ERC2: variants seen among roughly 807,000 people sequenced by gnomAD.
ERC2 encodes the protein ERC protein 2.
A neutral mutation model predicts 114.8 loss-of-function variants in ERC2; 42 were observed. The ratio of observed to expected loss-of-function variants is 0.37; its 90% CI spans 0.29 to 0.47. The LOEUF (loss-of-function observed/expected upper bound fraction) is 0.47, where lower values mean the gene tolerates loss of function less well. ERC2 is among the 20% of genes least tolerant of loss of function. ERC2 has a pLI of 0.99. For synonymous variants in ERC2, 454 were observed against 425.5 expected (o/e 1.07, Z -0.82); for missense variants, 939 against 1,150.7 (o/e 0.82, Z 2.66).
chr3:56,129,219 C>T (rs2080062751), intron 6 of ERC2, among the ~76,000 whole-genome samples: 1 of 152,084 alleles, frequency 6.6e-6, no homozygotes, highest in African/African-American at 2.4e-5. Flanking sequence ...GTGAAAAATC[C>T]TTGCAGAAGC....
intron 14 of ERC2, among the ~76,000 whole-genome samples, chr3:55,737,283 T>C (rs2065693160): frequency 6.6e-6 from 1 of 152,126 alleles, no homozygotes; most frequent in Admixed American, 6.5e-5. Context: ...TCAGGAAATA[T>C]CTCCATTTTC....
In ERC2 at chr3:56,311,231, TTCTCTCTCTCTCTCTC is replaced by T. The variant is rs370683995; in HGVS notation, c.658-14812_658-14797del. On this transcript the variant is annotated intron_variant, in intron 2 of 17. Transcript: ENST00000288221. ...CAGTGTTCTTGGGATATCCATCATCTTCTCTCTCTCTCTCTCTCTCTCTCTATATATATATATATAT... is the reference window on the plus strand; with the variant it reads ...CAGTGTTCTTGGGATATCCATCATCTTCTCTCTCTATATATATATATATAT... Among the ~76,000 whole-genome samples, 284 of 96,156 alleles carry T rather than the reference TTCTCTCTCTCTCTCTC, an allele frequency of 3.0e-3. 1 individual carries two copies. The highest frequency in any genetic ancestry group is 7.9e-3 in the African/African-American group (158 of 20,082). The allele number at this position is 96,156 out of a possible 152,430, so 63.1% of individuals were successfully genotyped here.
intron 2 of ERC2, among the ~76,000 whole-genome samples, chr3:56,326,032 C>T (rs1345516754): frequency 6.6e-6 from 1 of 152,216 alleles, no homozygotes; most frequent in Non-Finnish European, 1.5e-5. Context: ...TGTCACGTGG[C>T]CCTACTCCTC....
chr3:55,942,301 TTTG>T (rs1196912284), intron 13 of ERC2, among the ~76,000 whole-genome samples: 1 of 120,780 alleles, frequency 8.3e-6, no homozygotes, highest in African/African-American at 3.4e-5. Context: ...TTTTTTTTTT[TTTG>T]TTGAGACGGA....
chr3:56,305,869 G>C (rs1359651923), intron 2 of ERC2, among the ~76,000 whole-genome samples: 1 of 151,746 alleles, frequency 6.6e-6, no homozygotes, highest in Non-Finnish European at 1.5e-5. Flanking sequence ...TTGTTTTTTT[G>C]AGACAAAGTC....
chr3:55,735,010 T>G, intron 14 of ERC2, 92 bp from the exon 15 acceptor site: 1 of 1,303,442 alleles, frequency 7.7e-7, no homozygotes, highest in South Asian at 1.6e-5. Context: ...CACAGAGTAT[T>G]GTCTCAATGG....
At chr3:55,633,817 C>A (rs1335039825) in intron 17 of ERC2, among the ~76,000 whole-genome samples, 2 of 152,076 alleles carry the variant, frequency 1.3e-5, no homozygotes, top group Non-Finnish European at 2.9e-5. Flanking sequence ...TGATTTCATC[C>A]TTCATTCTTT....
chr3:56,197,231 C>T (rs4974124), intron 3 of ERC2, among the ~76,000 whole-genome samples: 35,428 of 152,112 alleles, frequency 0.23, 4,873 homozygotes, highest in Non-Finnish European at 0.3. Flanking sequence ...GTAACTTGGC[C>T]TCTCTGTGTC....
At chr3:56,195,455 C>CTA (rs1238247699) in intron 3 of ERC2, among the ~76,000 whole-genome samples, 1 of 151,368 alleles carries the variant, frequency 6.6e-6, no homozygotes, top group Non-Finnish European at 1.5e-5. Context: ...GGGGGAACTA[C>CTA]TATATATATG....
At chr3:56,229,860 G>GTTT (rs1323648162) in intron 3 of ERC2, among the ~76,000 whole-genome samples, 2 of 96,846 alleles carry the variant, frequency 2.1e-5, no homozygotes, top group African/African-American at 7.6e-5. Context: ...CAAATATCTA[G>GTTT]TCTTTTTTTT....
intron 14 of ERC2, among the ~76,000 whole-genome samples, chr3:55,849,213 A>G (rs2061479305): frequency 6.6e-6 from 1 of 152,122 alleles, no homozygotes; most frequent in Non-Finnish European, 1.5e-5. Flanking sequence ...CCGGACCACC[A>G]TATGAATCCA....
intron 17 of ERC2, among the ~76,000 whole-genome samples, chr3:55,631,406 CAGG>C (rs1306942931): frequency 2.0e-5 from 3 of 152,228 alleles, no homozygotes; most frequent in Admixed American, 2.0e-4. Flanking sequence ...CAGTGAAATC[CAGG>C]AGATTGCCCT....
At chr3:56,399,417 T>C (rs558437695) in intron 2 of ERC2, among the ~76,000 whole-genome samples, 74 of 152,214 alleles carry the variant, frequency 4.9e-4, no homozygotes, top group South Asian at 1.0e-3. Context: ...AGTCACTTCA[T>C]AGTAGTTGAT....
chr3:55,809,870 C>T (rs2059648312), intron 14 of ERC2, among the ~76,000 whole-genome samples: 1 of 152,098 alleles, frequency 6.6e-6, no homozygotes, highest in African/African-American at 2.4e-5. Flanking sequence ...TTCAGATACA[C>T]CAAATATGTT....
At chr3:56,392,905 C>T (rs978202561) in intron 2 of ERC2, among the ~76,000 whole-genome samples, 5 of 152,250 alleles carry the variant, frequency 3.3e-5, no homozygotes, top group South Asian at 2.1e-4. Flanking sequence ...CCACCTGATA[C>T]GGCCACGACC....
chr3:56,113,908 T>G (rs148856272), intron 6 of ERC2, among the ~76,000 whole-genome samples: 120 of 152,328 alleles, frequency 7.9e-4, no homozygotes, highest in Middle Eastern at 3.4e-3. Flanking sequence ...TATAGGCTTA[T>G]TACTGTCAAC....
intron 17 of ERC2, among the ~76,000 whole-genome samples, chr3:55,558,344 G>A (rs1197343274): frequency 6.6e-6 from 1 of 152,178 alleles, no homozygotes; most frequent in African/African-American, 2.4e-5. Context: ...AACCCAGAGT[G>A]GGGAAAATAA....
chr3:56,024,478 G>A (rs1350981298), intron 7 of ERC2, among the ~76,000 whole-genome samples: 1 of 152,236 alleles, frequency 6.6e-6, no homozygotes, highest in African/African-American at 2.4e-5. Context: ...CTGCAGTCAT[G>A]TTGCCCCATG....
chr3:55,870,881 T>C (rs901231611), intron 14 of ERC2, among the ~76,000 whole-genome samples: 24 of 152,194 alleles, frequency 1.6e-4, no homozygotes, highest in Admixed American at 2.0e-4. Flanking sequence ...GGCCTTCACA[T>C]TTCTCACCCC....
Sources: gnomAD v4.1 joint callset for allele counts (sites outside exome capture counted in the v4.1 genomes callset) on GRCh38, gnomAD v4.1.1 for gene constraint, MANE v1.5 for transcripts, NCBI Gene and HGNC (gene_info 2026-07-23, HGNC 2026-07-21) for gene names.